The following DNAJC8 variants were observed in gnomAD, a reference collection of about 807,000 sequenced individuals.
The protein encoded by DNAJC8 is dnaJ homolog subfamily C member 8.
Under a neutral mutation model 43.2 loss-of-function variants are expected in DNAJC8, and 24 were observed. The ratio of observed to expected loss-of-function variants is 0.56; its 90% CI spans 0.40 to 0.78. DNAJC8 has a LOEUF of 0.78. DNAJC8 is among the 30% of genes least tolerant of loss of function. DNAJC8 has a pLI of 0.00. For missense variants in DNAJC8, 207 were observed against 299.4 expected, an observed-to-expected ratio of 0.69 and a Z score of 2.28; for synonymous variants, 83 against 98.0, an observed-to-expected ratio of 0.85 and a Z score of 0.90.
chr1:28,230,754 T>C (rs888341587), intron 1 of DNAJC8, among the ~76,000 whole-genome samples: 7 of 152,286 alleles, frequency 4.6e-5, no homozygotes, highest in African/African-American at 1.4e-4. Context: ...CATCCTCCAG[T>C]CCTCTTGCCT....
At chr1:28,213,054 C>A (rs1646826277) in intron 3 of DNAJC8, among the ~76,000 whole-genome samples, 1 of 152,142 alleles carries the variant, frequency 6.6e-6, no homozygotes, top group African/African-American at 2.4e-5. Context: ...TAAATTCTTA[C>A]AACAAACTCA....
At position 28,203,668 on chromosome 1, in the gene DNAJC8, C is replaced by T. The variant is rs375345715; in HGVS notation, c.639+79G>A. On this transcript the variant is annotated intron_variant, in intron 8 of 8. Coordinates refer to ENST00000263697, the MANE Select transcript of DNAJC8 (RefSeq NM_014280.3). ...CATATCCCACTCCCCTCTGACTGCC[C>T]CACTCAGTCCTGGGAGCGCCACAGG... 3.6e-6 allele frequency: 5 copies of T among 1,391,234 alleles called. No homozygotes were observed. In the South Asian group the frequency reaches 4.6e-5, roughly 13 times the overall value. 86.2% of individuals were successfully genotyped at this position (1,391,234 alleles called of 1,614,324 possible).
chr1:28,210,521 G>C, intron 4 of DNAJC8, 50 bp downstream of exon 4: 1 of 1,483,806 alleles, frequency 6.7e-7, no homozygotes, highest in South Asian at 1.1e-5. Context: ...GAACAGTTAG[G>C]CCCTGCCATT....
chr1:28,205,354 A>C lies in DNAJC8; in HGVS notation c.472-5T>G, dbSNP rs748646251. The C allele has an allele frequency of 6.3e-7, 1 of 1,596,844 alleles. No individual in the cohort carries two copies. Among genetic ancestry groups the C allele is most frequent in the Non-Finnish European group, 8.5e-7 (1 of 1,172,026 alleles). ...TTTATATACAGCTTGTTTGAACTAC[A>C]GGAAAATCAAGAACAAAAGAAAATC... On this transcript the variant is annotated splice_region_variant and splice_polypyrimidine_tract_variant and intron_variant, in intron 6 of 8. Coordinates refer to ENST00000263697, the MANE Select transcript of DNAJC8 (RefSeq NM_014280.3).
chr1:28,216,812 T>C (rs994561411), intron 2 of DNAJC8, among the ~76,000 whole-genome samples: 7 of 150,392 alleles, frequency 4.7e-5, no homozygotes, highest in Admixed American at 3.3e-4. Context: ...CGATTTCTTT[T>C]TTTTTTTTTT....
At chr1:28,218,393 C>G (rs1433084145) in intron 2 of DNAJC8, among the ~76,000 whole-genome samples, 2 of 151,820 alleles carry the variant, frequency 1.3e-5, no homozygotes, top group Non-Finnish European at 2.9e-5. Context: ...CCGCACCCAG[C>G]CTTAAGCAAC....
intron 1 of DNAJC8, among the ~76,000 whole-genome samples, chr1:28,231,488 G>A (rs1256001467): frequency 6.6e-6 from 1 of 151,502 alleles, no homozygotes; most frequent in Non-Finnish European, 1.5e-5. Context: ...AGGCCGAGGC[G>A]GGAGGACCTT....
chr1:28,232,796 A>G (rs1202870234), intron 1 of DNAJC8, 125 bp downstream of exon 1: 2 of 990,650 alleles, frequency 2.0e-6, no homozygotes, highest in East Asian at 2.5e-5. Context: ...GACCCCCGCC[A>G]CCCCGAAGAC....
At chr1:28,203,042 C>G (rs2453919) in intron 8 of DNAJC8, among the ~76,000 whole-genome samples, 5,665 of 152,252 alleles carry the variant, frequency 0.037, 286 homozygotes, top group African/African-American at 0.12. Context: ...CTTTCTGCTG[C>G]CCCCCAAAAC....
chr1:28,204,581 T>C (rs974374743), intron 7 of DNAJC8, among the ~76,000 whole-genome samples: 4 of 152,190 alleles, frequency 2.6e-5, no homozygotes, highest in African/African-American at 4.8e-5. Context: ...ATTAAACATT[T>C]TGTTACTGAT....
intron 3 of DNAJC8, among the ~76,000 whole-genome samples, chr1:28,213,193 A>G (rs1312971891): frequency 6.6e-6 from 1 of 152,176 alleles, no homozygotes; most frequent in Non-Finnish European, 1.5e-5. Context: ...TATAGCTCCA[A>G]TATGCACACT....
chr1:28,204,125 G>A (rs1474587545), intron 7 of DNAJC8, among the ~76,000 whole-genome samples: 1 of 152,132 alleles, frequency 6.6e-6, no homozygotes, highest in African/African-American at 2.4e-5. Flanking sequence ...AAGCTATGTC[G>A]AGAACACAGG....
chr1:28,204,506 C>T (rs528736527), intron 7 of DNAJC8, among the ~76,000 whole-genome samples: 17 of 152,226 alleles, frequency 1.1e-4, no homozygotes, highest in South Asian at 2.1e-4. Flanking sequence ...CATTGCACTC[C>T]AGCCTGGGCA....
intron 1 of DNAJC8, among the ~76,000 whole-genome samples, chr1:28,232,081 T>C (rs1211920463): frequency 2.6e-5 from 4 of 151,892 alleles, no homozygotes; most frequent in African/African-American, 9.7e-5. Flanking sequence ...ATCCTTTTTT[T>C]CCTTCTTTTT....
chr1:28,212,170 T>TAAATAAATAAATAA (rs1314233756), intron 3 of DNAJC8, among the ~76,000 whole-genome samples: 1 of 23,726 alleles, frequency 4.2e-5, no homozygotes, highest in African/African-American at 1.7e-4. Context: ...AATAAATAAA[T>TAAATAAATAAATAA]ATATATATAT....
Position 28,228,911 on chromosome 1 carries a change from A to G in DNAJC8, c.180+11T>C. On this transcript the variant is annotated intron_variant, in intron 2 of 8. Transcript: ENST00000263697. The stretch of plus-strand genomic sequence containing the variant: ...CCATTACAGAGGCCCTAGCAACATC[A>G]ATCGGCTCACCTCAAATGGGTTCAA... 6.2e-7 allele frequency: 1 copy of G among 1,610,628 alleles called. No individual in the cohort carries two copies. Among genetic ancestry groups the G allele is most frequent in the East Asian group, 2.2e-5 (1 of 44,860 alleles).
At chr1:28,207,988 T>C (rs866395657) in intron 6 of DNAJC8, among the ~76,000 whole-genome samples, 2 of 151,890 alleles carry the variant, frequency 1.3e-5, no homozygotes, top group Non-Finnish European at 2.9e-5. Flanking sequence ...AGGCGGATCA[T>C]CTGAGGTCAG....
intron 8 of DNAJC8, among the ~76,000 whole-genome samples, chr1:28,201,836 C>T (rs1267821831): frequency 1.3e-5 from 2 of 150,432 alleles, no homozygotes; most frequent in Non-Finnish European, 3.0e-5. Flanking sequence ...GTAGAATAGG[C>T]CAGGCATGGT....
intron 2 of DNAJC8, among the ~76,000 whole-genome samples, chr1:28,219,959 G>T (rs1036785973): frequency 6.6e-6 from 1 of 152,200 alleles, no homozygotes; most frequent in African/African-American, 2.4e-5. Context: ...TTACAGGCGT[G>T]AGCCACTGTG....
Sources: gnomAD v4.1 joint callset for allele counts (sites outside exome capture counted in the v4.1 genomes callset) on GRCh38, gnomAD v4.1.1 for gene constraint, MANE v1.5 for transcripts, NCBI Gene and HGNC (gene_info 2026-07-23, HGNC 2026-07-21) for gene names.